NCAPH: variants seen among roughly 807,000 people sequenced by gnomAD.
NCAPH encodes the protein non-SMC condensin I complex subunit H.
In NCAPH, 38 loss-of-function variants were observed where a neutral mutation model predicts 85.5. That is an observed-to-expected ratio of 0.44 (90% CI 0.34 to 0.58). The LOEUF (loss-of-function observed/expected upper bound fraction) is 0.58. Ranked by LOEUF, NCAPH falls within the 20% of genes least tolerant of loss-of-function variation. The probability of loss-of-function intolerance (pLI) is 0.01; values close to 1 mark genes in which losing one functional copy is unlikely to be tolerated. For missense variants in NCAPH, 789 were observed against 916.6 expected (o/e 0.86, Z 1.80); for synonymous variants, 301 against 335.1 (o/e 0.90, Z 1.11).
At chr2:96,371,978 T>C (rs1009584636) in intron 17 of NCAPH, among the ~76,000 whole-genome samples, 10 of 152,340 alleles carry the variant, frequency 6.6e-5, no homozygotes, top group Admixed American at 6.5e-5. Context: ...CCTTCATGTC[T>C]CTGCATGTTA....
chr2:96,338,849 C>T (rs1011970989), intron 1 of NCAPH, among the ~76,000 whole-genome samples: 1 of 152,170 alleles, frequency 6.6e-6, no homozygotes, highest in African/African-American at 2.4e-5. Context: ...CTCACTTTGT[C>T]ACCCAGGCTG....
intron 7 of NCAPH, among the ~76,000 whole-genome samples, 198 bp from the exon 8 acceptor site, chr2:96,353,108 G>A (rs775249802): frequency 2.6e-5 from 4 of 152,218 alleles, no homozygotes; most frequent in South Asian, 2.1e-4. Context: ...TGTGGCCGAC[G>A]CATCTGCTCG....
chr2:96,354,124 G>T (rs1028182793), intron 8 of NCAPH, 59 bp from the exon 9 acceptor site: 2 of 1,520,116 alleles, frequency 1.3e-6, no homozygotes, highest in East Asian at 2.3e-5. Context: ...TGTCCCTCCA[G>T]TGGTGATTTG....
At chr2:96,361,748 T>TGA (rs2064612854) in intron 12 of NCAPH, among the ~76,000 whole-genome samples, 1 of 125,074 alleles carries the variant, frequency 8.0e-6, no homozygotes, top group South Asian at 3.5e-4. Context: ...AAGATTTTAA[T>TGA]GATATATATA....
intron 13 of NCAPH, 32 bp from the exon 14 acceptor site, chr2:96,365,844 C>A: frequency 6.2e-7 from 1 of 1,612,482 alleles, no homozygotes; most frequent in Non-Finnish European, 8.5e-7. Context: ...TCTGCAGCGT[C>A]CACCAAACTC....
At chr2:96,356,273 C>T (rs568983301) in intron 9 of NCAPH, among the ~76,000 whole-genome samples, 1 of 152,154 alleles carries the variant, frequency 6.6e-6, no homozygotes, top group Non-Finnish European at 1.5e-5. Context: ...GCTGGCCTTT[C>T]CTGGGAATTC....
At chr2:96,351,504 A>G (rs1265994150) in intron 6 of NCAPH, among the ~76,000 whole-genome samples, 7 of 152,098 alleles carry the variant, frequency 4.6e-5, no homozygotes, top group Admixed American at 1.3e-4. Flanking sequence ...CCCCGTCTCT[A>G]CTAAAAATAC....
chr2:96,369,190 TGACAG>T, intron 16 of NCAPH, 127 bp downstream of exon 16: 3 of 1,050,090 alleles, frequency 2.9e-6, no homozygotes, highest in Non-Finnish European at 4.1e-6. Context: ...CTCTCTGTGT[TGACAG>T]ATAATACAGA....
At chr2:96,340,269 C>G (rs931848170) in intron 1 of NCAPH, among the ~76,000 whole-genome samples, 1 of 152,018 alleles carries the variant, frequency 6.6e-6, no homozygotes, top group Admixed American at 6.5e-5. Flanking sequence ...CTCTGAATAC[C>G]CTCTACATGC....
At chr2:96,336,792 A>G (rs1440655187) in intron 1 of NCAPH, among the ~76,000 whole-genome samples, 4 of 152,240 alleles carry the variant, frequency 2.6e-5, no homozygotes, top group African/African-American at 4.8e-5. Context: ...CCATAAAACC[A>G]TGGGAACAGG....
At chr2:96,364,656 A>T in intron 13 of NCAPH, 65 bp downstream of exon 13, 2 of 1,172,024 alleles carry the variant, frequency 1.7e-6, no homozygotes, top group Non-Finnish European at 1.3e-6. Context: ...TCTGCTTCTC[A>T]TGTCCCCATT....
chr2:96,368,871 T>G, intron 15 of NCAPH, 101 bp from the exon 16 acceptor site: 1 of 1,012,988 alleles, frequency 9.9e-7, no homozygotes, highest in Non-Finnish European at 1.4e-6. Context: ...TGTTTTCATT[T>G]TGTTTAGGTA....
At chr2:96,359,359 C>CT (rs2064573096) in intron 10 of NCAPH, 166 bp downstream of exon 10, 2 of 771,348 alleles carry the variant, frequency 2.6e-6, no homozygotes, top group Non-Finnish European at 4.1e-6. Context: ...TTTGCCTGGC[C>CT]TGGGATGAAG....
chr2:96,357,987 A>T (rs1171548052), intron 9 of NCAPH, among the ~76,000 whole-genome samples: 1 of 152,108 alleles, frequency 6.6e-6, no homozygotes, highest in East Asian at 1.9e-4. Flanking sequence ...AGAGTGAAAA[A>T]TGGCTGGGCA....
At chr2:96,366,513 T>G (rs2064701321) in intron 14 of NCAPH, among the ~76,000 whole-genome samples, 1 of 152,232 alleles carries the variant, frequency 6.6e-6, no homozygotes, top group South Asian at 2.1e-4. Flanking sequence ...GGAATTCCAG[T>G]TAGCCTTAAT....
At chr2:96,352,772 G>C (rs541289118) in intron 7 of NCAPH, among the ~76,000 whole-genome samples, 2 of 152,256 alleles carry the variant, frequency 1.3e-5, no homozygotes, top group East Asian at 1.9e-4. Flanking sequence ...GCAGTTGTTA[G>C]CTCCCATTCT....
chr2:96,349,527 G>A (rs999627671), intron 6 of NCAPH, among the ~76,000 whole-genome samples: 10 of 152,008 alleles, frequency 6.6e-5, no homozygotes, highest in African/African-American at 2.4e-4. Context: ...GATTACAGAC[G>A]TGCACCACCA....
chr2:96,362,599 T>C (rs1315105146), intron 12 of NCAPH, among the ~76,000 whole-genome samples: 1 of 152,062 alleles, frequency 6.6e-6, no homozygotes, highest in African/African-American at 2.4e-5. Flanking sequence ...TACACTGCAC[T>C]CCAGCCTGGG....
At chr2:96,347,363 A>G (rs1188738409) in intron 6 of NCAPH, among the ~76,000 whole-genome samples, 1 of 151,676 alleles carries the variant, frequency 6.6e-6, no homozygotes, top group East Asian at 1.9e-4. Context: ...ATGAAATACT[A>G]AGGAATAAGA....
Sources: allele counts gnomAD v4.1 joint callset (sites outside exome capture counted in the v4.1 genomes callset), GRCh38; gene constraint gnomAD v4.1.1; transcripts MANE v1.5; gene names NCBI Gene and HGNC (gene_info 2026-07-23, HGNC 2026-07-21).